NTM: variants seen among roughly 807,000 people sequenced by gnomAD.
The protein encoded by NTM is neurotrimin.
A neutral mutation model predicts 42.1 loss-of-function variants in NTM; 13 were observed. The ratio of observed to expected loss-of-function variants is 0.31; its 90% confidence interval spans 0.20 to 0.49. The LOEUF is 0.49. Ranked by LOEUF, NTM falls within the 20% of genes least tolerant of loss-of-function variation. NTM has a pLI of 0.99. For synonymous variants in NTM, 187 were observed against 179.2 expected, an observed-to-expected ratio of 1.04 and a Z score of -0.35; for missense variants, 373 against 452.8, an observed-to-expected ratio of 0.82 and a Z score of 1.60.
chr11:132,312,589 G>C (rs1354907426), intron 6 of NTM: 1 of 154,900 alleles, frequency 6.5e-6, no homozygotes. Flanking sequence ...CTGGCCCCCT[G>C]TGCTGTTTTT....
At chr11:131,410,985 T>C (rs1378964758) in intron 1 of NTM, among the ~76,000 whole-genome samples, 1 of 152,086 alleles carries the variant, frequency 6.6e-6, no homozygotes, top group Non-Finnish European at 1.5e-5. Context: ...GAGCCCTGAG[T>C]TCTATAAACA....
At position 131,749,190 on chromosome 11, in the gene NTM, C is replaced by T. The variant is rs557157800; in HGVS notation, c.83-162374C>T. 2.5e-4 allele frequency among the ~76,000 whole-genome samples: 38 copies of T among 152,292 alleles called. No individual in the cohort carries two copies. The South Asian group carries it at 7.9e-3, about 32-fold the overall frequency. The stretch of plus-strand genomic sequence containing the variant: ...TCAGTACTGGAAATCATAAAGTGAT[C>T]AGGAGTGTGGCAGTACAGATCACAG... On this transcript the variant is annotated intron_variant, in intron 1 of 8. Coordinates refer to ENST00000683400, the MANE Select transcript of NTM (RefSeq NM_001352005.2).
chr11:131,834,640 A>ATATATATG (rs989106712), intron 1 of NTM, among the ~76,000 whole-genome samples: 1 of 147,010 alleles, frequency 6.8e-6, no homozygotes, highest in African/African-American at 2.5e-5. Flanking sequence ...ATATATATAT[A>ATATATATG]TATATGTATA....
At chr11:131,497,815 C>T (rs1381688550) in intron 1 of NTM, among the ~76,000 whole-genome samples, 1 of 152,082 alleles carries the variant, frequency 6.6e-6, no homozygotes, top group African/African-American at 2.4e-5. Flanking sequence ...AGTAAACAAC[C>T]CCCTCCTAGC....
At chr11:132,138,890 C>G (rs1455548768) in intron 2 of NTM, among the ~76,000 whole-genome samples, 1 of 152,152 alleles carries the variant, frequency 6.6e-6, no homozygotes, top group Middle Eastern at 3.2e-3. Flanking sequence ...CACAGATACA[C>G]CCAGAAATAA....
rs2077014938 is a variant in NTM, at chr11:132,177,670, T to A, written c.400+31156T>A. Among the ~76,000 whole-genome samples the A allele has an allele frequency of 2.0e-5, 3 of 152,208 alleles. No homozygotes were observed. The South Asian group carries it at 6.2e-4, about 31-fold the overall frequency. ...AAGAAGCCATAACTGAGTTCAGTGA[T>A]TCCACACCTGATCACTGAACCAAAG... On this transcript the variant is annotated intron_variant, in intron 3 of 8. Transcript: ENST00000683400.
In NTM at chr11:131,985,263, A is replaced by G. The variant is rs571523383; in HGVS notation, c.167+73615A>G. 9.2e-5 allele frequency among the ~76,000 whole-genome samples: 14 copies of G among 152,288 alleles called. No homozygotes were observed. In the South Asian group the frequency reaches 1.0e-3, roughly 11 times the overall value. On this transcript the variant is annotated intron_variant, in intron 2 of 8. Coordinates refer to ENST00000683400, the MANE Select transcript of NTM (RefSeq NM_001352005.2). ...ATCACAAGGGACAGTTTTACCAAAC[A>G]TTTTGCTATTTCACAACAAGGGTCT... is the stretch of plus-strand genomic sequence containing the variant.
intron 1 of NTM, chr11:131,909,732 A>C (rs376023886): frequency 6.6e-6 from 1 of 152,392 alleles, no homozygotes; most frequent in Non-Finnish European, 1.5e-5. Flanking sequence ...AGAAATAATA[A>C]TACAGGCACA....
intron 1 of NTM, among the ~76,000 whole-genome samples, chr11:131,833,097 G>T (rs1463538920): frequency 6.6e-6 from 1 of 152,140 alleles, no homozygotes; most frequent in Non-Finnish European, 1.5e-5. Context: ...TATCCTATTG[G>T]ATGTATTTTG....
chr11:131,744,741 C>T (rs879832692), intron 1 of NTM, among the ~76,000 whole-genome samples: 2 of 152,132 alleles, frequency 1.3e-5, no homozygotes, highest in Admixed American at 6.5e-5. Flanking sequence ...TACCCTCAAA[C>T]CCAGTTTATT....
chr11:131,941,987 T>A (rs138021523), intron 2 of NTM, among the ~76,000 whole-genome samples: 10 of 152,330 alleles, frequency 6.6e-5, no homozygotes, highest in African/African-American at 2.4e-4. Context: ...TGCTTCCTTT[T>A]CCTCTTTTCT....
intron 2 of NTM, among the ~76,000 whole-genome samples, chr11:132,093,229 C>G (rs2060572501): frequency 6.6e-6 from 1 of 152,150 alleles, no homozygotes; most frequent in Admixed American, 6.5e-5. Context: ...CCACATTCAA[C>G]TCTGGCAATA....
intron 2 of NTM, among the ~76,000 whole-genome samples, chr11:131,966,573 A>G (rs1013812854): frequency 1.3e-5 from 2 of 152,298 alleles, no homozygotes; most frequent in African/African-American, 4.8e-5. Context: ...GCATTTTCCT[A>G]GGAAATAAAT....
intron 1 of NTM, among the ~76,000 whole-genome samples, chr11:131,763,720 T>TTTTTTTC (rs2084641411): frequency 6.9e-6 from 1 of 145,144 alleles, no homozygotes; most frequent in Non-Finnish European, 1.5e-5. Context: ...TTTTTTTTTT[T>TTTTTTTC]TTTTTTTTTT....
At position 131,531,315 on chromosome 11, in the gene NTM, G is replaced by A. The variant is rs60377322; in HGVS notation, c.82+160427G>A. Among the ~76,000 whole-genome samples the A allele has an allele frequency of 7.2e-5, 11 of 152,044 alleles. No individual in the cohort carries two copies. In the East Asian group the frequency reaches 1.5e-3, roughly 21 times the overall value. Reference sequence around the variant, plus strand: ...CACCATGCTCTGCTAATTTTTTTTGGGGGGGAGGTGGGGGTAAAGATAGGG... The same window carrying A: ...CACCATGCTCTGCTAATTTTTTTTGAGGGGGAGGTGGGGGTAAAGATAGGG... On this transcript the variant is annotated intron_variant, in intron 1 of 8. Transcript: ENST00000683400.
At chr11:131,877,206 G>A (rs2048666413) in intron 1 of NTM, among the ~76,000 whole-genome samples, 1 of 152,126 alleles carries the variant, frequency 6.6e-6, no homozygotes, top group South Asian at 2.1e-4. Flanking sequence ...CTGGGATTGT[G>A]CCCAGCTCCC....
At chr11:131,382,783 A>G (rs1942848171) in intron 1 of NTM, among the ~76,000 whole-genome samples, 1 of 152,242 alleles carries the variant, frequency 6.6e-6, no homozygotes, top group African/African-American at 2.4e-5. Flanking sequence ...ATAATGATCA[A>G]CTGAAAAGGT....
intron 1 of NTM, among the ~76,000 whole-genome samples, chr11:131,891,557 A>C (rs1350662849): frequency 6.6e-6 from 1 of 152,176 alleles, no homozygotes; most frequent in East Asian, 1.9e-4. Context: ...CATCCTGAGC[A>C]AGCAGCTCTC....
chr11:131,425,272 G>T (rs1485416021), intron 1 of NTM, among the ~76,000 whole-genome samples: 3 of 121,994 alleles, frequency 2.5e-5, no homozygotes, highest in African/African-American at 9.8e-5. Context: ...TGAAATAACT[G>T]ATGTGCAAGT....
Sources: allele counts gnomAD v4.1 joint callset (sites outside exome capture counted in the v4.1 genomes callset), GRCh38; gene constraint gnomAD v4.1.1; transcripts MANE v1.5; gene names NCBI Gene and HGNC (gene_info 2026-07-23, HGNC 2026-07-21).